Variants in DECR1 observed in about 807,000 individuals in gnomAD.
The protein encoded by DECR1 is 2,4-dienoyl-CoA reductase [(3E)-enoyl-CoA-producing], mitochondrial.
DECR1 carries 44 observed loss-of-function variants against 38.8 expected under a neutral mutation model. The ratio of observed to expected loss-of-function variants is 1.13; its 90% CI spans 0.89 to 1.46. DECR1 has a LOEUF of 1.46. Among genes scored for constraint, DECR1 ranks in the 40% most tolerant of loss-of-function variants. DECR1 has a pLI of 0.00. For synonymous variants in DECR1, 148 were observed against 135.2 expected (o/e 1.09, Z -0.66); for missense variants, 428 against 405.5 (o/e 1.06, Z -0.48).
chr8:90,027,260 C>T (rs1349208714), intron 5 of DECR1, among the ~76,000 whole-genome samples: 1 of 152,120 alleles, frequency 6.6e-6, no homozygotes, highest in East Asian at 1.9e-4. Flanking sequence ...GAGCTGAGTT[C>T]AATTCCTGGA....
intron 7 of DECR1, 138 bp from the exon 8 acceptor site, chr8:90,044,711 G>T: frequency 1.3e-6 from 1 of 757,676 alleles, no homozygotes; most frequent in South Asian, 3.2e-5. Flanking sequence ...GAATAATTTG[G>T]TGAAATTCTT....
rs78172558 is a variant in DECR1 at position 90,008,510 on chromosome 8, A to G, written c.69+6949A>G. On this transcript the variant is annotated intron_variant, in intron 1 of 9. Transcript: ENST00000220764. The stretch of plus-strand genomic sequence containing the variant: ...AGATGTAACAGGGATATTGAGGTAA[A>G]GATGAGAGAGGTAGAAAAATCTCTC... Among the ~76,000 whole-genome samples, 759 of 152,360 alleles carry G rather than the reference A, an allele frequency of 5.0e-3. 9 individuals carry two copies. Among genetic ancestry groups the G allele is most frequent in the African/African-American group, 0.017 (694 of 41,588 alleles).
At chr8:90,008,407 T>A (rs1812796327) in intron 1 of DECR1, among the ~76,000 whole-genome samples, 2 of 152,216 alleles carry the variant, frequency 1.3e-5, no homozygotes, top group Admixed American at 1.3e-4. Flanking sequence ...ACTTAATGAC[T>A]TCTGTCTGAT....
intron 6 of DECR1, among the ~76,000 whole-genome samples, chr8:90,039,156 A>G (rs1178956010): frequency 6.6e-6 from 1 of 152,156 alleles, no homozygotes; most frequent in Non-Finnish European, 1.5e-5. Flanking sequence ...TAGGTTCCCA[A>G]ATTCTACATG....
At chr8:90,009,515 A>G (rs1467511941) in intron 1 of DECR1, among the ~76,000 whole-genome samples, 7 of 133,898 alleles carry the variant, frequency 5.2e-5, no homozygotes, top group Admixed American at 2.9e-4. Context: ...TTTTTTTTTT[A>G]CTGCCGTACT....
At chr8:90,022,202 G>A (rs962411598) in intron 5 of DECR1, among the ~76,000 whole-genome samples, 3 of 152,154 alleles carry the variant, frequency 2.0e-5, no homozygotes, top group Admixed American at 6.5e-5. Flanking sequence ...GGAGGAAAGA[G>A]GGCATGGAGC....
intron 6 of DECR1, 133 bp from the exon 7 acceptor site, chr8:90,042,595 G>T: frequency 1.4e-6 from 1 of 728,834 alleles, no homozygotes; most frequent in Admixed American, 2.1e-5. Context: ...GTAATATAGG[G>T]AACAATAATA....
chr8:90,047,028 G>A (rs1385694890), intron 8 of DECR1, among the ~76,000 whole-genome samples: 2 of 152,136 alleles, frequency 1.3e-5, no homozygotes, highest in African/African-American at 4.8e-5. Flanking sequence ...AACTCCTGAA[G>A]GAAGCACTAA....
intron 5 of DECR1, among the ~76,000 whole-genome samples, chr8:90,027,286 T>A (rs1284381997): frequency 1.3e-5 from 2 of 152,176 alleles, no homozygotes; most frequent in African/African-American, 4.8e-5. Flanking sequence ...TTGTTAACTT[T>A]CCATCTCGTT....
At chr8:90,007,525 C>T (rs1173841418) in intron 1 of DECR1, among the ~76,000 whole-genome samples, 1 of 151,354 alleles carries the variant, frequency 6.6e-6, no homozygotes, top group Non-Finnish European at 1.5e-5. Flanking sequence ...GAGAGGGAGT[C>T]ACCAAGGTGG....
At chr8:90,018,759 C>T in intron 2 of DECR1, 150 bp from the exon 3 acceptor site, 1 of 648,812 alleles carries the variant, frequency 1.5e-6, no homozygotes, top group Non-Finnish European at 2.7e-6. Flanking sequence ...CTAAATTTGA[C>T]TTTTAGAAAA....
intron 5 of DECR1, among the ~76,000 whole-genome samples, chr8:90,022,207 T>G (rs74929096): frequency 6.6e-6 from 1 of 152,132 alleles, no homozygotes; most frequent in Non-Finnish European, 1.5e-5. Context: ...AAAGAGGGCA[T>G]GGAGCTGGCT....
chr8:90,036,541 A>G (rs1247366581), intron 5 of DECR1, among the ~76,000 whole-genome samples: 2 of 152,164 alleles, frequency 1.3e-5, no homozygotes, highest in African/African-American at 4.8e-5. Context: ...AATCCTGACC[A>G]GCTGATTATA....
At chr8:90,042,525 A>G (rs1483638532) in intron 6 of DECR1, 1 of 575,024 alleles carries the variant, frequency 1.7e-6, no homozygotes, top group Non-Finnish European at 3.1e-6. Context: ...GAGATTGACA[A>G]ATTGGCCATA....
At chr8:90,004,603 G>A (rs937881331) in intron 1 of DECR1, among the ~76,000 whole-genome samples, 4 of 152,048 alleles carry the variant, frequency 2.6e-5, no homozygotes, top group East Asian at 1.9e-4. Context: ...GTTTTCTCAC[G>A]ATGAATATTG....
rs1814110634 is a variant in DECR1, at chr8:90,051,972, T to G, written c.*75T>G. ...CAAATTATCTCTCATCTTTTGACTA[T>G]TTCAAGTCTAATAAATTCTTAATTA... On this transcript the variant is annotated 3_prime_UTR_variant, in exon 10 of 10. Coordinates refer to ENST00000220764, the MANE Select transcript of DECR1 (RefSeq NM_001359.2). 1 of 1,303,474 alleles carries G rather than the reference T, an allele frequency of 7.7e-7. No homozygotes were observed. The highest frequency in any genetic ancestry group is 1.2e-5 in the South Asian group (1 of 80,726). 80.7% of individuals were successfully genotyped at this position (1,303,474 alleles called of 1,614,324 possible).
chr8:90,046,942 T>G (rs1431459686), intron 8 of DECR1, among the ~76,000 whole-genome samples: 1 of 152,140 alleles, frequency 6.6e-6, no homozygotes, highest in Non-Finnish European at 1.5e-5. Flanking sequence ...CTAAGCTTCA[T>G]AAGTGAAGGA....
At chr8:90,013,551 G>A (rs548228521) in intron 1 of DECR1, among the ~76,000 whole-genome samples, 10 of 152,092 alleles carry the variant, frequency 6.6e-5, no homozygotes, top group Admixed American at 3.3e-4. Flanking sequence ...TGTGTGAGTC[G>A]GGGCTGGACA....
At chr8:90,021,199 A>G (rs1317242205) in intron 5 of DECR1, 143 bp downstream of exon 5, 10 of 569,122 alleles carry the variant, frequency 1.8e-5, no homozygotes, top group African/African-American at 1.6e-4. Flanking sequence ...ATATTTAAAT[A>G]ATTATCATAT....
Sources: allele counts gnomAD v4.1 joint callset (sites outside exome capture counted in the v4.1 genomes callset), GRCh38; gene constraint gnomAD v4.1.1; transcripts MANE v1.5; gene names NCBI Gene and HGNC (gene_info 2026-07-23, HGNC 2026-07-21).